Variants in KCNMA1 observed in about 807,000 individuals in gnomAD.
KCNMA1 encodes the protein Calcium-activated potassium channel subunit alpha-1.
Under a neutral mutation model 140.0 loss-of-function variants are expected in KCNMA1, and 29 were observed. That is an observed-to-expected ratio of 0.21 (90% confidence interval 0.15 to 0.28). The LOEUF is 0.28. Ranked by LOEUF, KCNMA1 falls within the 10% of genes least tolerant of loss-of-function variation. KCNMA1 has a pLI of 1.00. For missense variants in KCNMA1, 880 were observed against 1,602.2 expected, an observed-to-expected ratio of 0.55 and a Z score of 7.70; for synonymous variants, 612 against 611.9, an observed-to-expected ratio of 1.00 and a Z score of 0.00.
chr10:77,302,523 C>T (rs2076772701), intron 2 of KCNMA1, among the ~76,000 whole-genome samples: 1 of 152,148 alleles, frequency 6.6e-6, no homozygotes, highest in Non-Finnish European at 1.5e-5. Flanking sequence ...GTTTGTTCAG[C>T]CCCCACATTC....
At chr10:76,908,527 T>C (rs2048743036) in intron 25 of KCNMA1, among the ~76,000 whole-genome samples, 1 of 152,230 alleles carries the variant, frequency 6.6e-6, no homozygotes, top group African/African-American at 2.4e-5. Context: ...ATAACCCAAA[T>C]TAGTCTTAAA....
intron 1 of KCNMA1, among the ~76,000 whole-genome samples, chr10:77,568,415 C>A (rs2069249535): frequency 1.3e-5 from 2 of 152,222 alleles, no homozygotes; most frequent in African/African-American, 2.4e-5. Flanking sequence ...CCCTGGGATG[C>A]AAGGCTGGTT....
chr10:77,470,967 C>T (rs887944429), intron 1 of KCNMA1, among the ~76,000 whole-genome samples: 1 of 152,090 alleles, frequency 6.6e-6, no homozygotes, highest in African/African-American at 2.4e-5. Flanking sequence ...GGCAGCCCGG[C>T]TCATCCAATG....
At chr10:77,436,986 AC>A (rs1424234531) in intron 1 of KCNMA1, among the ~76,000 whole-genome samples, 41 of 148,566 alleles carry the variant, frequency 2.8e-4, no homozygotes, top group East Asian at 5.8e-4. Context: ...ACACACACAC[AC>A]ACACACACAC....
At chr10:77,424,364 T>C (rs557262182) in intron 1 of KCNMA1, among the ~76,000 whole-genome samples, 3 of 152,300 alleles carry the variant, frequency 2.0e-5, no homozygotes, top group East Asian at 3.9e-4. Flanking sequence ...TGCCCCCATA[T>C]GGCAAATGAA....
chr10:77,416,333 A>C (rs1479397022), intron 1 of KCNMA1, among the ~76,000 whole-genome samples: 2 of 152,156 alleles, frequency 1.3e-5, no homozygotes, highest in African/African-American at 2.4e-5. Context: ...GGGGAAGGCA[A>C]GCATTTTCAG....
chr10:77,246,627 G>A (rs10824503), intron 3 of KCNMA1, among the ~76,000 whole-genome samples: 4,557 of 152,186 alleles, frequency 0.03, 233 homozygotes, highest in East Asian at 0.22. Context: ...AATTTCTATC[G>A]CAATCTTAAA....
At chr10:77,229,679 T>C (rs193038535) in intron 3 of KCNMA1, among the ~76,000 whole-genome samples, 13 of 152,318 alleles carry the variant, frequency 8.5e-5, no homozygotes, top group African/African-American at 2.9e-4. Flanking sequence ...ATTGTGCTGC[T>C]GGCCATCCCT....
chr10:77,547,913 G>C (rs2061821580), intron 1 of KCNMA1, among the ~76,000 whole-genome samples: 1 of 152,102 alleles, frequency 6.6e-6, no homozygotes, highest in African/African-American at 2.4e-5. Flanking sequence ...GGGTGTCTGT[G>C]GCTGATTTCA....
intron 5 of KCNMA1, among the ~76,000 whole-genome samples, chr10:77,149,234 A>G (rs919082535): frequency 6.6e-6 from 1 of 152,198 alleles, no homozygotes; most frequent in African/African-American, 2.4e-5. Flanking sequence ...AGGGGAGAAG[A>G]GTCTCTTTCA....
intron 3 of KCNMA1, among the ~76,000 whole-genome samples, chr10:77,200,671 CTGTTCTTT>C (rs2042169451): frequency 2.6e-5 from 4 of 151,456 alleles, no homozygotes; most frequent in African/African-American, 9.7e-5. Context: ...TAGTAAGAAG[CTGTTCTTT>C]CTGCTATTTG....
intron 2 of KCNMA1, among the ~76,000 whole-genome samples, chr10:77,285,860 G>A (rs1308993061): frequency 6.6e-6 from 1 of 152,170 alleles, no homozygotes; most frequent in Non-Finnish European, 1.5e-5. Context: ...TACCTCATGG[G>A]TTGTTCAGAT....
intron 2 of KCNMA1, among the ~76,000 whole-genome samples, chr10:77,306,512 T>C (rs760687007): frequency 6.6e-6 from 1 of 152,152 alleles, no homozygotes; most frequent in Non-Finnish European, 1.5e-5. Context: ...GAGTATCAAA[T>C]AAAGAATGAC....
At chr10:77,371,816 T>C (rs2094741964) in intron 2 of KCNMA1, among the ~76,000 whole-genome samples, 1 of 152,232 alleles carries the variant, frequency 6.6e-6, no homozygotes, top group Non-Finnish European at 1.5e-5. Context: ...TCTCTGCTTC[T>C]AGGCTCTGCT....
chr10:77,323,474 C>G (rs888794705), intron 2 of KCNMA1, among the ~76,000 whole-genome samples: 12 of 152,118 alleles, frequency 7.9e-5, no homozygotes, highest in Non-Finnish European at 1.6e-4. Context: ...GCTTGGGAAC[C>G]CAGTTGAGAG....
chr10:77,445,561 G>A (rs950777799), intron 1 of KCNMA1, among the ~76,000 whole-genome samples: 1 of 152,120 alleles, frequency 6.6e-6, no homozygotes, highest in Non-Finnish European at 1.5e-5. Flanking sequence ...TATCTGTAGA[G>A]TAATTGTTAT....
In KCNMA1 at chr10:77,419,188, C is replaced by A. The variant is rs1050429048; in HGVS notation, c.379-15165G>T. Among the ~76,000 whole-genome samples, 7 of 152,224 alleles carry A rather than the reference C, an allele frequency of 4.6e-5. No homozygotes were observed. The South Asian group carries it at 1.5e-3, about 32-fold the overall frequency. On this transcript the variant is annotated intron_variant, in intron 1 of 27. Transcript: ENST00000286628. The stretch of plus-strand genomic sequence containing the variant: ...TGAAGGTCACATGAGGGGAGAGTTC[C>A]TTTTACATCTCAGAAGTCTCTTATT...
chr10:77,318,464 C>T (rs1338689632), intron 2 of KCNMA1, among the ~76,000 whole-genome samples: 1 of 152,056 alleles, frequency 6.6e-6, no homozygotes, highest in Non-Finnish European at 1.5e-5. Context: ...ACTGTGGAGG[C>T]ACAACCAGAG....
At chr10:76,989,959 T>C (rs570104521) in intron 19 of KCNMA1, among the ~76,000 whole-genome samples, 11 of 152,350 alleles carry the variant, frequency 7.2e-5, no homozygotes, top group South Asian at 4.1e-4. Context: ...GTTAATTTCA[T>C]ATGTTAATGA....
Sources: allele counts gnomAD v4.1 joint callset (sites outside exome capture counted in the v4.1 genomes callset), GRCh38; gene constraint gnomAD v4.1.1; transcripts MANE v1.5; gene names NCBI Gene and HGNC (gene_info 2026-07-23, HGNC 2026-07-21).